TMEM132D: variants seen among roughly 807,000 people sequenced by gnomAD.
TMEM132D encodes the protein mature OL transmembrane protein.
Under a neutral mutation model 62.3 loss-of-function variants are expected in TMEM132D, and 21 were observed. That is an observed-to-expected ratio of 0.34 (90% CI 0.24 to 0.49). The LOEUF is 0.49. TMEM132D is among the 20% of genes least tolerant of loss of function. The probability of loss-of-function intolerance (pLI) is 0.99; values close to 1 mark genes in which losing one functional copy is unlikely to be tolerated. For synonymous variants in TMEM132D, 621 were observed against 575.6 expected (o/e 1.08, Z -1.13); for missense variants, 1,346 against 1,402.8 (o/e 0.96, Z 0.65).
At chr12:129,721,546 G>C (rs1403274627) in intron 1 of TMEM132D, among the ~76,000 whole-genome samples, 1 of 152,162 alleles carries the variant, frequency 6.6e-6, no homozygotes, top group Non-Finnish European at 1.5e-5. Context: ...CAGAGGATGT[G>C]CTGCTGGCGC....
intron 3 of TMEM132D, among the ~76,000 whole-genome samples, chr12:129,365,943 C>T (rs1319283023): frequency 3.3e-5 from 5 of 152,048 alleles, no homozygotes; most frequent in Admixed American, 3.3e-4. Flanking sequence ...CACTGTCCAC[C>T]CGCCCCGCAC....
chr12:129,302,443 G>A (rs1471729881), intron 4 of TMEM132D, among the ~76,000 whole-genome samples: 1 of 152,222 alleles, frequency 6.6e-6, no homozygotes, highest in Non-Finnish European at 1.5e-5. Context: ...GCAAGGCCAG[G>A]ATATGTCTCC....
At chr12:129,218,801 G>A (rs747754883) in intron 4 of TMEM132D, among the ~76,000 whole-genome samples, 14 of 152,222 alleles carry the variant, frequency 9.2e-5, no homozygotes, top group Middle Eastern at 6.8e-3. Flanking sequence ...CCCAAAACAG[G>A]CCTAAGACAA....
At chr12:129,218,189 T>A (rs1283116838) in intron 4 of TMEM132D, among the ~76,000 whole-genome samples, 2 of 152,214 alleles carry the variant, frequency 1.3e-5, no homozygotes, top group Non-Finnish European at 2.9e-5. Flanking sequence ...TTTAAATTCA[T>A]CCTCTGAGAG....
chr12:129,592,361 A>G (rs1236546558), intron 2 of TMEM132D, among the ~76,000 whole-genome samples: 1 of 152,198 alleles, frequency 6.6e-6, no homozygotes, highest in African/African-American at 2.4e-5. Flanking sequence ...CATTTGAAAT[A>G]CTACTCTTGC....
intron 1 of TMEM132D, among the ~76,000 whole-genome samples, chr12:129,799,617 C>G (rs547896489): frequency 6.6e-6 from 1 of 151,962 alleles, no homozygotes; most frequent in Non-Finnish European, 1.5e-5. Context: ...CCTGGGTCAC[C>G]CAGTTGGCCC....
chr12:129,809,307 CAAA>C (rs34039590), intron 1 of TMEM132D, among the ~76,000 whole-genome samples: 4,932 of 137,942 alleles, frequency 0.036, 105 homozygotes, highest in South Asian at 0.076. Context: ...GACTCCATAT[CAAA>C]AAAAAAAAAA....
At chr12:129,284,066 C>G (rs997783452) in intron 4 of TMEM132D, among the ~76,000 whole-genome samples, 1 of 152,262 alleles carries the variant, frequency 6.6e-6, no homozygotes, top group Non-Finnish European at 1.5e-5. Flanking sequence ...TCCTGTGCAG[C>G]CTTGGCTCAG....
rs554075739 is a variant in TMEM132D at position 129,515,414 on chromosome 12, G to C, written c.1115+15645C>G. Among the ~76,000 whole-genome samples the C allele has an allele frequency of 1.4e-4, 22 of 152,306 alleles. 1 individual carries two copies. The South Asian group carries it at 4.4e-3, about 30-fold the overall frequency. On this transcript the variant is annotated intron_variant, in intron 3 of 8. Coordinates refer to ENST00000422113, the MANE Select transcript of TMEM132D (RefSeq NM_133448.3). ...TTGGTAGGGCACTACCAATGTGATT[G>C]AAAGTTGACATTTCAAACCCTTCTG...
intron 3 of TMEM132D, among the ~76,000 whole-genome samples, chr12:129,524,927 C>CTTTTTT (rs372985812): frequency 3.5e-5 from 3 of 85,950 alleles, no homozygotes; most frequent in African/African-American, 8.4e-5. Context: ...TTTCTTTTTT[C>CTTTTTT]TTTTTTTTTT....
chr12:129,320,884 A>G (rs1868677732), intron 4 of TMEM132D, among the ~76,000 whole-genome samples: 1 of 152,206 alleles, frequency 6.6e-6, no homozygotes, highest in Non-Finnish European at 1.5e-5. Context: ...ATATAAGGAC[A>G]TGCGAAAGAG....
chr12:129,412,429 T>C (rs1871993435), intron 3 of TMEM132D, among the ~76,000 whole-genome samples: 1 of 152,120 alleles, frequency 6.6e-6, no homozygotes, highest in South Asian at 2.1e-4. Context: ...TGATGGGGGG[T>C]GGGTGTGGCT....
chr12:129,650,811 C>G (rs1555223689), intron 2 of TMEM132D, among the ~76,000 whole-genome samples: 1 of 152,098 alleles, frequency 6.6e-6, no homozygotes, highest in Non-Finnish European at 1.5e-5. Flanking sequence ...CATTTTATTT[C>G]TAATATTATT....
intron 1 of TMEM132D, among the ~76,000 whole-genome samples, chr12:129,888,838 G>A (rs925738541): frequency 1.3e-5 from 2 of 152,098 alleles, no homozygotes; most frequent in African/African-American, 4.8e-5. Flanking sequence ...TTCATACCAC[G>A]TGATTCAGGT....
chr12:129,710,907 C>T (rs935148413), intron 1 of TMEM132D, among the ~76,000 whole-genome samples: 3 of 145,278 alleles, frequency 2.1e-5, no homozygotes, highest in Non-Finnish European at 3.0e-5. Context: ...AGCCTCAGTG[C>T]GCACGCTGCC....
intron 1 of TMEM132D, among the ~76,000 whole-genome samples, chr12:129,817,682 G>A (rs537692883): frequency 2.1e-5 from 3 of 143,014 alleles, no homozygotes; most frequent in African/African-American, 2.6e-5. Context: ...ATGTGTGGGG[G>A]GTGTGTATGT....
At chr12:129,211,683 C>T (rs1022020790) in intron 4 of TMEM132D, among the ~76,000 whole-genome samples, 1 of 152,144 alleles carries the variant, frequency 6.6e-6, no homozygotes, top group Non-Finnish European at 1.5e-5. Flanking sequence ...TTCTAAAAGA[C>T]AAGACTCCAA....
At chr12:129,689,401 G>A (rs1218155458) in intron 2 of TMEM132D, among the ~76,000 whole-genome samples, 1 of 152,026 alleles carries the variant, frequency 6.6e-6, no homozygotes, top group Non-Finnish European at 1.5e-5. Flanking sequence ...GTTCTCAGAA[G>A]AAAATGTAGA....
At chr12:129,696,323 A>G (rs549697461) in intron 2 of TMEM132D, among the ~76,000 whole-genome samples, 1 of 152,260 alleles carries the variant, frequency 6.6e-6, no homozygotes, top group Non-Finnish European at 1.5e-5. Flanking sequence ...AGTGCTAGGC[A>G]TATGGCACTT....
Sources: allele counts gnomAD v4.1 joint callset (sites outside exome capture counted in the v4.1 genomes callset), GRCh38; gene constraint gnomAD v4.1.1; transcripts MANE v1.5; gene names NCBI Gene and HGNC (gene_info 2026-07-23, HGNC 2026-07-21).